The following SUPV3L1 variants were observed in gnomAD, a reference collection of about 807,000 sequenced individuals.
SUPV3L1 encodes ATP-dependent RNA helicase SUPV3L1, mitochondrial.
In SUPV3L1, 35 loss-of-function variants were observed where a neutral mutation model predicts 70.0. That is an observed-to-expected ratio of 0.50 (90% CI 0.38 to 0.66). The LOEUF (loss-of-function observed/expected upper bound fraction) is 0.66. Among genes scored for constraint, SUPV3L1 ranks in the 30% least tolerant of loss-of-function variants. SUPV3L1 has a pLI of 0.00. For synonymous variants in SUPV3L1, 364 were observed against 341.9 expected (o/e 1.06, Z -0.71); for missense variants, 777 against 961.5 (o/e 0.81, Z 2.54).
intron 4 of SUPV3L1, among the ~76,000 whole-genome samples, chr10:69,188,023 G>A (rs1842281247): frequency 6.6e-6 from 1 of 152,106 alleles, no homozygotes; most frequent in African/African-American, 2.4e-5. Context: ...GTAAGCTATG[G>A]CCTTCCTGGT....
chr10:69,195,172 A>G lies in SUPV3L1; in HGVS notation c.854-16A>G. 1.9e-6 allele frequency: 3 copies of G among 1,602,806 alleles called. No homozygotes were observed. The South Asian group carries it at 3.4e-5, about 18-fold the overall frequency. ...TAAGTAGATGGTATTGCTCATGTTA[A>G]CTTTTTTATTTTAAGATGAAGTGGC... is the stretch of plus-strand genomic sequence containing the variant. On this transcript the variant is annotated splice_polypyrimidine_tract_variant and intron_variant, in intron 6 of 14. Coordinates refer to ENST00000359655, the MANE Select transcript of SUPV3L1 (RefSeq NM_003171.5).
intron 11 of SUPV3L1, 75 bp from the exon 12 acceptor site, chr10:69,202,364 G>A (rs1196961884): frequency 1.5e-6 from 2 of 1,312,858 alleles, no homozygotes; most frequent in Non-Finnish European, 1.1e-6. Context: ...ACTTTATCGT[G>A]CAATAACTTA....
chr10:69,195,895 A>G (rs1842529361), intron 7 of SUPV3L1, among the ~76,000 whole-genome samples: 1 of 151,926 alleles, frequency 6.6e-6, no homozygotes, highest in Non-Finnish European at 1.5e-5. Context: ...GCTGTTTGCC[A>G]ACATGCCCCC....
chr10:69,186,321 C>T lies in SUPV3L1; in HGVS notation c.350-122C>T, dbSNP rs541161399. 258 of 673,226 alleles carry T rather than the reference C, an allele frequency of 3.8e-4. No individual in the cohort carries two copies. The African/African-American group carries it at 5.8e-3, about 15-fold the overall frequency. 41.7% of individuals were successfully genotyped at this position (673,226 alleles called of 1,614,324 possible). On this transcript the variant is annotated intron_variant, in intron 2 of 14. Transcript: ENST00000359655. ...CCCAGATCATAATAAACCAGCTGTA[C>T]TGCCAAAAAAAAAAAAAAAAAAAGA...
In SUPV3L1 at chr10:69,187,532, T is replaced by A. The variant is rs1036936372; in HGVS notation, c.458-110T>A. On this transcript the variant is annotated intron_variant, in intron 3 of 14. Coordinates refer to ENST00000359655, the MANE Select transcript of SUPV3L1 (RefSeq NM_003171.5). Reference sequence around the variant, plus strand: ...TGTGCCCAGAGAGGACTTTTCTTTTTACCCTGGCAGTGCCCCCGCAACTTA... The same window carrying A: ...TGTGCCCAGAGAGGACTTTTCTTTTAACCCTGGCAGTGCCCCCGCAACTTA... 8 of 682,874 alleles carry A rather than the reference T, an allele frequency of 1.2e-5. No homozygotes were observed. In the African/African-American group the frequency reaches 1.3e-4, roughly 11 times the overall value. 42.3% of individuals were successfully genotyped at this position (682,874 alleles called of 1,614,324 possible).
At chr10:69,208,047 C>T in intron 14 of SUPV3L1, 106 bp downstream of exon 14, 1 of 1,366,360 alleles carries the variant, frequency 7.3e-7, no homozygotes, top group Middle Eastern at 2.0e-4. Context: ...TTGCAAGATG[C>T]TCTATATTAT....
rs1400755283 is a variant in SUPV3L1 at position 69,208,996 on chromosome 10, A to G, written c.2322A>G (p.Lys774=). 6.3e-7 allele frequency: 1 copy of G among 1,577,434 alleles called. No individual in the cohort carries two copies. The highest frequency in any genetic ancestry group is 1.9e-5 in the Admixed American group (1 of 52,678). The change falls in exon 15 of 15, where the codon AAA becomes AAG. Residue 774 remains lysine, a synonymous_variant. Transcript: ENST00000359655. ...AAACAGAGTCTGGGACTCATCCAAA[A>G]GGGACGAGAAGAAAGAAGAAGGAAC... ...KEKTESGTHP[K]GTRRKKKEPD...
rs961593187 is a variant in SUPV3L1 at position 69,187,842 on chromosome 10, G to A, written c.572+86G>A. On this transcript the variant is annotated intron_variant, in intron 4 of 14. Transcript: ENST00000359655. ...CATTATTTTTTTTTATTGTATTCTA[G>A]ATAACAAATTATAAGGAGTCTGGAT... 2.0e-5 allele frequency: 18 copies of A among 882,096 alleles called. No individual in the cohort carries two copies. The Admixed American group carries it at 5.4e-4, about 26-fold the overall frequency. 54.6% of individuals were successfully genotyped at this position (882,096 alleles called of 1,614,324 possible).
intron 5 of SUPV3L1, 46 bp downstream of exon 5, chr10:69,189,481 T>C (rs1842329763): frequency 1.3e-6 from 2 of 1,532,846 alleles, no homozygotes; most frequent in Non-Finnish European, 8.8e-7. Flanking sequence ...TTAATTTTCT[T>C]TTTTGGTGGG....
intron 7 of SUPV3L1, among the ~76,000 whole-genome samples, chr10:69,196,048 A>G (rs1842534549): frequency 6.6e-6 from 1 of 151,988 alleles, no homozygotes; most frequent in African/African-American, 2.4e-5. Context: ...CACCCAGCTT[A>G]TTTTTTATCT....
intron 6 of SUPV3L1, chr10:69,193,220 T>C (rs934560887): frequency 6.6e-6 from 1 of 151,320 alleles, no homozygotes; most frequent in African/African-American, 2.4e-5. Flanking sequence ...TGTATGCATA[T>C]AGTTATATGT....
At chr10:69,206,542 T>C (rs916428896) in intron 13 of SUPV3L1, among the ~76,000 whole-genome samples, 1 of 152,208 alleles carries the variant, frequency 6.6e-6, no homozygotes, top group Non-Finnish European at 1.5e-5. Context: ...TGAAAGCACA[T>C]TCCCCAGCAG....
At chr10:69,195,151 T>C in intron 6 of SUPV3L1, 37 bp from the exon 7 acceptor site, 2 of 1,524,774 alleles carry the variant, frequency 1.3e-6, no homozygotes, top group East Asian at 2.3e-5. Flanking sequence ...ACTATTTAAG[T>C]AGATGGTATT....
At position 69,199,178 on chromosome 10, in the gene SUPV3L1, A is replaced by G. The variant is rs148715762; in HGVS notation, c.1279A>G (p.Ile427Val). The change falls in exon 10 of 15, where the codon ATT (isoleucine) becomes GTT (valine). Residue 427 changes from isoleucine (I) to valine (V), a missense_variant. Physicochemically the swap from Ile to Val is conservative, Grantham distance 29. This residue lies in a region of SUPV3L1 where 619 missense variants were observed against 823.3 expected (regional missense o/e 0.75). Transcript: ENST00000359655. ...PCKILVATDA[I>V]GMGLNLSIRR... ...CAAAATCTTGGTTGCTACAGATGCAATTGGCATGGGACTTAATTTGTAAGT... is the reference window on the plus strand; with the variant it reads ...CAAAATCTTGGTTGCTACAGATGCAGTTGGCATGGGACTTAATTTGTAAGT... 225 of 1,611,336 alleles carry G rather than the reference A, an allele frequency of 1.4e-4. No homozygotes were observed. Among genetic ancestry groups the G allele is most frequent in the Admixed American group, 5.2e-4 (31 of 59,630 alleles).
chr10:69,194,848 A>G (rs1295322381), intron 6 of SUPV3L1, among the ~76,000 whole-genome samples: 1 of 148,836 alleles, frequency 6.7e-6, no homozygotes, highest in East Asian at 1.9e-4. Context: ...TAAAAAGAAA[A>G]AAAAAAGAGT....
Position 69,180,580 on chromosome 10 carries a change from T to C in SUPV3L1, c.271+18T>C, listed in dbSNP as rs1434417474. 4.3e-6 allele frequency: 7 copies of C among 1,611,414 alleles called. No individual in the cohort carries two copies. The highest frequency in any genetic ancestry group is 5.9e-6 in the Non-Finnish European group (7 of 1,178,830). Reference sequence around the variant, plus strand: ...GGACAAGAGTGAGTGCGGGAACTACTGAGGGCGGCAGAGGGTGGTGTCTGC... The same window carrying C: ...GGACAAGAGTGAGTGCGGGAACTACCGAGGGCGGCAGAGGGTGGTGTCTGC... On this transcript the variant is annotated intron_variant, in intron 1 of 14. Transcript: ENST00000359655.
chr10:69,187,773 G>C lies in SUPV3L1; in HGVS notation c.572+17G>C. ...ACCTAACTGGTTAGTTTCTCCATTT[G>C]TGGATTTGAAATTTTCAGTTTCTAA... On this transcript the variant is annotated intron_variant, in intron 4 of 14. Transcript: ENST00000359655. 1 of 1,520,192 alleles carries C rather than the reference G, an allele frequency of 6.6e-7. No individual in the cohort carries two copies. Among genetic ancestry groups the C allele is most frequent in the East Asian group, 2.3e-5 (1 of 43,606 alleles). The allele number at this position is 1,520,192 out of a possible 1,614,324, so 94.2% of individuals were successfully genotyped here. A position where few individuals can be genotyped will look rare whatever the true frequency, so the allele number is the denominator to read the frequency against.
rs1280006855 is a variant in SUPV3L1 at position 69,202,478 on chromosome 10, T to C, written c.1558T>C (p.Phe520Leu). 1.2e-6 allele frequency: 2 copies of C among 1,613,534 alleles called. No homozygotes were observed. Among genetic ancestry groups the C allele is most frequent in the Non-Finnish European group, 1.7e-6 (2 of 1,179,672 alleles). The change falls in exon 12 of 15, where the codon TTT (phenylalanine) becomes CTT (leucine). Residue 520 changes from phenylalanine (F) to leucine (L), a missense_variant. Coordinates refer to ENST00000359655, the MANE Select transcript of SUPV3L1 (RefSeq NM_003171.5). ...LHPTAEQIEMFAYHLPDATLS... is the reference protein window; with the variant it reads ...LHPTAEQIEMLAYHLPDATLS... ...TCCAACTGCTGAGCAGATTGAAATGTTTGCCTACCATCTCCCTGATGCAAC... is the reference window on the plus strand; with the variant it reads ...TCCAACTGCTGAGCAGATTGAAATGCTTGCCTACCATCTCCCTGATGCAAC...
At chr10:69,194,235 G>A (rs943987834) in intron 6 of SUPV3L1, among the ~76,000 whole-genome samples, 1 of 152,152 alleles carries the variant, frequency 6.6e-6, no homozygotes, top group African/African-American at 2.4e-5. Flanking sequence ...GCTGGATGTG[G>A]TGACTTGTGC....
Sources: gnomAD v4.1 joint callset for allele counts (sites outside exome capture counted in the v4.1 genomes callset) on GRCh38, gnomAD v4.1.1 for gene constraint, gnomAD v4.1.1 regional missense constraint, MANE v1.5 for transcripts, NCBI Gene and HGNC (gene_info 2026-07-23, HGNC 2026-07-21) for gene names.